NCOA2: variants seen among roughly 807,000 people sequenced by gnomAD.
NCOA2 encodes the protein class E basic helix-loop-helix protein 75.
In NCOA2, 21 loss-of-function variants were observed where a neutral mutation model predicts 145.1. That is an observed-to-expected ratio of 0.14 (90% CI 0.10 to 0.21). The LOEUF (loss-of-function observed/expected upper bound fraction) is 0.21, where lower values mean the gene tolerates loss of function less well. Ranked by LOEUF, NCOA2 falls within the 10% of genes least tolerant of loss-of-function variation. NCOA2 has a pLI of 1.00. For missense variants in NCOA2, 1,472 were observed against 1,837.6 expected, an observed-to-expected ratio of 0.80 and a Z score of 3.64; for synonymous variants, 619 against 637.5, an observed-to-expected ratio of 0.97 and a Z score of 0.44.
chr8:70,163,656 T>C (rs994168122), intron 7 of NCOA2, 90 bp from the exon 8 acceptor site: 37 of 919,554 alleles, frequency 4.0e-5, no homozygotes, highest in South Asian at 3.9e-4. Flanking sequence ...CAGCCTGTCA[T>C]TAAAAAAGCA....
chr8:70,251,406 G>C (rs1282501373), intron 2 of NCOA2, among the ~76,000 whole-genome samples: 1 of 152,168 alleles, frequency 6.6e-6, no homozygotes, highest in East Asian at 1.9e-4. Flanking sequence ...TATACAAATA[G>C]CATACTACAT....
chr8:70,207,785 C>A (rs1482541183), intron 4 of NCOA2, among the ~76,000 whole-genome samples: 1 of 148,354 alleles, frequency 6.7e-6, no homozygotes, highest in African/African-American at 2.5e-5. Context: ...ACTGCTTGAA[C>A]CTGGGAGGCA....
At chr8:70,146,666 C>T (rs934243627) in intron 12 of NCOA2, among the ~76,000 whole-genome samples, 2 of 151,772 alleles carry the variant, frequency 1.3e-5, no homozygotes, top group African/African-American at 4.8e-5. Flanking sequence ...ATAACCTCCC[C>T]TAGGGCTAAT....
At chr8:70,233,094 G>A (rs1053633159) in intron 2 of NCOA2, among the ~76,000 whole-genome samples, 3 of 34,056 alleles carry the variant, frequency 8.8e-5, no homozygotes, top group African/African-American at 5.9e-4. Context: ...GCATGGTGGT[G>A]TCCGCCTGTA....
At position 70,249,734 on chromosome 8, in the gene NCOA2, G is replaced by A. The variant is rs188968315; in HGVS notation, c.-19-32970C>T. 3.1e-4 allele frequency among the ~76,000 whole-genome samples: 46 copies of A among 150,690 alleles called. 1 individual carries two copies. The highest frequency in any genetic ancestry group is 1.7e-3 in the South Asian group (8 of 4,758). ...TCCCAGCACTTTGGGAGGCCGAGGC[G>A]GGCAGATCACCTGAGGTCAGGAGTT... On this transcript the variant is annotated intron_variant, in intron 2 of 22. Coordinates refer to ENST00000452400, the MANE Select transcript of NCOA2 (RefSeq NM_006540.4).
Position 70,112,810 on chromosome 8 carries a change from C to CG in NCOA2, c.*821_*822insC, listed in dbSNP as rs1806657862. On this transcript the variant is annotated 3_prime_UTR_variant, in exon 23 of 23. Transcript: ENST00000452400. ...GAGGGGAAGGGAAGAGTCAGGCTGA[C>CG]AGGGAAGAAGAGATGCTGATTCAAG... 1 of 209,472 alleles carries CG rather than the reference C, an allele frequency of 4.8e-6. No individual in the cohort carries two copies. The highest frequency in any genetic ancestry group is 5.9e-5 in the Admixed American group (1 of 16,926). The allele number at this position is 209,472 out of a possible 1,614,324, so 13.0% of individuals were successfully genotyped here. A position where few individuals can be genotyped will look rare whatever the true frequency, so the allele number is the denominator to read the frequency against.
chr8:70,146,458 A>C (rs1811075146), intron 12 of NCOA2, among the ~76,000 whole-genome samples: 1 of 152,256 alleles, frequency 6.6e-6, no homozygotes. Flanking sequence ...ATAGTCTGAA[A>C]TAGCACATTT....
chr8:70,422,673 G>A, the NCOA2 span, among the ~76,000 whole-genome samples: 2 of 151,976 alleles, frequency 1.3e-5, no homozygotes, highest in Non-Finnish European at 2.9e-5. Flanking sequence ...CCAGTGTTGC[G>A]ATTACAGGTG....
At chr8:70,196,289 T>C (rs929726225) in intron 4 of NCOA2, among the ~76,000 whole-genome samples, 1 of 152,154 alleles carries the variant, frequency 6.6e-6, no homozygotes, top group Non-Finnish European at 1.5e-5. Flanking sequence ...GGCACGAGAA[T>C]CACTTGAACC....
intron 1 of NCOA2, among the ~76,000 whole-genome samples, chr8:70,318,374 C>T (rs1378640639): frequency 6.6e-6 from 1 of 152,236 alleles, no homozygotes; most frequent in Non-Finnish European, 1.5e-5. Context: ...GCAGTGAATT[C>T]CTATGGCTTT....
intron 16 of NCOA2, among the ~76,000 whole-genome samples, chr8:70,131,457 G>A (rs2979632): frequency 1.3e-5 from 2 of 152,170 alleles, no homozygotes; most frequent in Admixed American, 1.3e-4. Context: ...CTGGGGTCAC[G>A]ACTACACTCA....
At chr8:70,169,267 G>A (rs540407515) in intron 6 of NCOA2, among the ~76,000 whole-genome samples, 16 of 152,280 alleles carry the variant, frequency 1.1e-4, no homozygotes, top group Non-Finnish European at 2.1e-4. Context: ...GTACTCGGAC[G>A]ACATCTCCAA....
chr8:70,149,716 T>C (rs1050665396), intron 11 of NCOA2, among the ~76,000 whole-genome samples: 6 of 152,236 alleles, frequency 3.9e-5, no homozygotes, highest in African/African-American at 1.2e-4. Flanking sequence ...ATAACCTATC[T>C]ATGTGCCAGA....
chr8:70,271,697 T>A (rs6472513), intron 2 of NCOA2, among the ~76,000 whole-genome samples: 4,032 of 152,284 alleles, frequency 0.026, 169 homozygotes, highest in African/African-American at 0.092. Flanking sequence ...TCAGCAACAG[T>A]ACAGGATGGC....
At chr8:70,222,009 C>A (rs549289668) in intron 2 of NCOA2, among the ~76,000 whole-genome samples, 1 of 151,994 alleles carries the variant, frequency 6.6e-6, no homozygotes, top group Non-Finnish European at 1.5e-5. Flanking sequence ...GTCATCTTTA[C>A]GTAATACTGT....
chr8:70,277,829 T>C (rs114773505), intron 2 of NCOA2, among the ~76,000 whole-genome samples: 1,797 of 152,192 alleles, frequency 0.012, 51 homozygotes, highest in African/African-American at 0.041. Flanking sequence ...GTATTCCATA[T>C]GCCTGATTCT....
At chr8:70,412,667 A>AC in the NCOA2 span, among the ~76,000 whole-genome samples, 11 of 149,238 alleles carry the variant, frequency 7.4e-5, no homozygotes, top group African/African-American at 2.7e-4. Flanking sequence ...AAAAAAAAAA[A>AC]AAAACTAGAA....
At chr8:70,382,220 C>T (rs1380649552) in intron 1 of NCOA2, among the ~76,000 whole-genome samples, 1 of 151,982 alleles carries the variant, frequency 6.6e-6, no homozygotes. Context: ...GTGCTGAGGG[C>T]CGAAGCTGCT....
chr8:70,172,750 C>A (rs1814395209), intron 5 of NCOA2, among the ~76,000 whole-genome samples: 1 of 152,156 alleles, frequency 6.6e-6, no homozygotes, highest in African/African-American at 2.4e-5. Flanking sequence ...ACCTATGGTT[C>A]ATTTTTAAAA....
Sources: gnomAD v4.1 joint callset for allele counts (sites outside exome capture counted in the v4.1 genomes callset) on GRCh38, gnomAD v4.1.1 for gene constraint, MANE v1.5 for transcripts, NCBI Gene and HGNC (gene_info 2026-07-23, HGNC 2026-07-21) for gene names.